JAM2: variants seen among roughly 807,000 people sequenced by gnomAD.
JAM2 encodes junctional adhesion molecule B.
JAM2 carries 17 observed loss-of-function variants against 42.0 expected under a neutral mutation model. That is an observed-to-expected ratio of 0.40 (90% confidence interval 0.28 to 0.61). JAM2 has a LOEUF of 0.61. Among genes scored for constraint, JAM2 ranks in the 20% least tolerant of loss-of-function variants. The pLI is 0.37. For missense variants in JAM2, 319 were observed against 358.3 expected (o/e 0.89, Z 0.89); for synonymous variants, 118 against 128.6 (o/e 0.92, Z 0.56).
chr21:25,716,831 T>C lies in JAM2; in HGVS notation c.*2159T>C, dbSNP rs962996483. On this transcript the variant is annotated 3_prime_UTR_variant, in exon 10 of 10. Transcript: ENST00000480456. ...AGGCTAAATGTTACCTATGTTTTGG[T>C]TGGAAGATTTCTTTGGTTTGAGGAA... 2.6e-5 allele frequency: 4 copies of C among 152,248 alleles called. No homozygotes were observed. The highest frequency in any genetic ancestry group is 9.6e-5 in the African/African-American group (4 of 41,462). The allele number at this position is 152,248 out of a possible 1,614,324, so 9.4% of individuals were successfully genotyped here.
chr21:25,681,291 G>A (rs929411717), intron 1 of JAM2, among the ~76,000 whole-genome samples: 3 of 152,160 alleles, frequency 2.0e-5, no homozygotes, highest in African/African-American at 7.2e-5. Flanking sequence ...ACCCGAGACT[G>A]GGTACTTCAT....
chr21:25,665,257 A>G (rs566976358), intron 1 of JAM2, among the ~76,000 whole-genome samples: 1 of 152,312 alleles, frequency 6.6e-6, no homozygotes, highest in East Asian at 1.9e-4. Context: ...GCCTCTGAAG[A>G]TGGTATTAAG....
At chr21:25,681,103 T>C (rs1039235992) in intron 1 of JAM2, among the ~76,000 whole-genome samples, 10 of 152,206 alleles carry the variant, frequency 6.6e-5, no homozygotes, top group East Asian at 5.8e-4. Flanking sequence ...TCAAGTAAAC[T>C]ATAGAAATAT....
intron 7 of JAM2, 50 bp downstream of exon 7, chr21:25,706,136 G>A (rs1048206312): frequency 2.4e-5 from 27 of 1,113,660 alleles, no homozygotes; most frequent in Non-Finnish European, 3.6e-5. Flanking sequence ...TGGCTATGGA[G>A]TTTATTTATG....
At chr21:25,676,314 A>G (rs541720542) in intron 1 of JAM2, among the ~76,000 whole-genome samples, 1 of 151,482 alleles carries the variant, frequency 6.6e-6, no homozygotes, top group Admixed American at 6.6e-5. Context: ...GAAAAAGAAA[A>G]AAAAAAAACA....
intron 1 of JAM2, among the ~76,000 whole-genome samples, chr21:25,647,262 T>C (rs1460166780): frequency 6.6e-6 from 1 of 152,208 alleles, no homozygotes; most frequent in African/African-American, 2.4e-5. Flanking sequence ...GAAATAAGTC[T>C]CCTTTCCAGC....
At position 25,702,219 on chromosome 21, in the gene JAM2, C is replaced by A; in HGVS notation, c.647C>A (p.Ala216Asp). 1 of 1,598,118 alleles carries A rather than the reference C, an allele frequency of 6.3e-7. No homozygotes were observed. Among genetic ancestry groups the A allele is most frequent in the Non-Finnish European group, 8.6e-7 (1 of 1,167,926 alleles). ...GACACTGGAGAATATTCCTGTGAAG[C>A]CCGCAATTCTGTTGGATATCGCAGG... Reference protein sequence around the residue: ...KLDTGEYSCEARNSVGYRRCP... With the variant: ...KLDTGEYSCEDRNSVGYRRCP... The change falls in exon 6 of 10, where the codon GCC becomes GAC. Residue 216 changes from alanine (A) to aspartate (D), a missense_variant. Coordinates refer to ENST00000480456, the MANE Select transcript of JAM2 (RefSeq NM_021219.4).
Position 25,689,963 on chromosome 21 carries a change from G to T in JAM2, c.231G>T (p.Gln77His). ...GRSVSFVYYQ[Q>H]TLQGDFKNRA... The stretch of plus-strand genomic sequence containing the variant: ...GTGTCTCCTTTGTCTACTATCAACA[G>T]ACTCTTCAAGGTAAGCAGCTGTAGG... The change falls in exon 3 of 10, where the codon CAG becomes CAT. Residue 77 changes from glutamine to histidine, a missense_variant. Coordinates refer to ENST00000480456, the MANE Select transcript of JAM2 (RefSeq NM_021219.4). 1.9e-6 allele frequency: 3 copies of T among 1,602,350 alleles called. No individual in the cohort carries two copies. The highest frequency in any genetic ancestry group is 2.6e-6 in the Non-Finnish European group (3 of 1,169,580).
chr21:25,653,309 C>T lies in JAM2; in HGVS notation c.67+13421C>T, dbSNP rs568819856. Reference sequence around the variant, plus strand: ...TATAATCCCTAAATACCATTCCACACTAACAATGACTAGGAAACTTTGGAG... The same window carrying T: ...TATAATCCCTAAATACCATTCCACATTAACAATGACTAGGAAACTTTGGAG... On this transcript the variant is annotated intron_variant, in intron 1 of 9. Coordinates refer to ENST00000480456, the MANE Select transcript of JAM2 (RefSeq NM_021219.4). Among the ~76,000 whole-genome samples the T allele has an allele frequency of 1.3e-4, 20 of 152,288 alleles. No homozygotes were observed. The South Asian group carries it at 4.2e-3, about 32-fold the overall frequency.
rs567425093 is a variant in JAM2, at chr21:25,648,436, T to C, written c.67+8548T>C. Among the ~76,000 whole-genome samples, 59 of 144,762 alleles carry C rather than the reference T, an allele frequency of 4.1e-4. 1 individual carries two copies. The highest frequency in any genetic ancestry group is 1.4e-3 in the African/African-American group (52 of 37,322). The allele number at this position is 144,762 out of a possible 152,430, so 95.0% of individuals were successfully genotyped here. A position where few individuals can be genotyped will look rare whatever the true frequency, so the allele number is the denominator to read the frequency against. The stretch of plus-strand genomic sequence containing the variant: ...TTGGATCCAGAACAAGTCAGGTTCT[T>C]TTGTGCCGTGTGTTTGTGTGTGTGT... On this transcript the variant is annotated intron_variant, in intron 1 of 9. Transcript: ENST00000480456.
intron 4 of JAM2, 93 bp from the exon 5 acceptor site, chr21:25,698,584 T>C (rs1398579784): frequency 1.9e-6 from 2 of 1,073,906 alleles, no homozygotes; most frequent in African/African-American, 1.6e-5. Flanking sequence ...ATTAAAACCA[T>C]TGATTGTAGA....
intron 2 of JAM2, among the ~76,000 whole-genome samples, chr21:25,685,555 C>T (rs1470205411): frequency 7.0e-6 from 1 of 143,080 alleles, no homozygotes; most frequent in East Asian, 2.1e-4. Context: ...AAAAGTTCAT[C>T]ATTTTAAAAA....
intron 4 of JAM2, among the ~76,000 whole-genome samples, chr21:25,698,462 G>T (rs2123398345): frequency 6.6e-6 from 1 of 152,320 alleles, no homozygotes; most frequent in South Asian, 2.1e-4. Flanking sequence ...CTGGCAACAA[G>T]AGTGCTGGGA....
rs552268954 is a variant in JAM2 at position 25,709,390 on chromosome 21, C to T, written c.806-44C>T. 8.7e-6 allele frequency: 9 copies of T among 1,040,018 alleles called. No individual in the cohort carries two copies. In the African/African-American group the frequency reaches 1.3e-4, roughly 14 times the overall value. 64.4% of individuals were successfully genotyped at this position (1,040,018 alleles called of 1,614,324 possible). A position where few individuals can be genotyped will look rare whatever the true frequency, so the allele number is the denominator to read the frequency against. The stretch of plus-strand genomic sequence containing the variant: ...ATTTTTATATGAATCTGTATCATAC[C>T]ATAATAACCCTTGCATTAATGATAT... On this transcript the variant is annotated intron_variant, in intron 7 of 9. Transcript: ENST00000480456.
At chr21:25,705,449 G>C (rs555355769) in intron 6 of JAM2, among the ~76,000 whole-genome samples, 47 of 151,672 alleles carry the variant, frequency 3.1e-4, no homozygotes, top group Non-Finnish European at 4.7e-4. Context: ...TGTTGCCTAG[G>C]CTGGTCTCAA....
At chr21:25,700,628 G>A (rs2034146557) in intron 5 of JAM2, among the ~76,000 whole-genome samples, 1 of 152,132 alleles carries the variant, frequency 6.6e-6, no homozygotes, top group African/African-American at 2.4e-5. Flanking sequence ...CAAAAGTGCT[G>A]GGATTACAGC....
intron 1 of JAM2, among the ~76,000 whole-genome samples, chr21:25,678,000 G>A (rs1362336914): frequency 6.6e-6 from 1 of 152,076 alleles, no homozygotes; most frequent in Admixed American, 6.5e-5. Flanking sequence ...TTGGCAGGCC[G>A]AGGCAGGTGG....
At chr21:25,656,534 G>A (rs564972869) in intron 1 of JAM2, among the ~76,000 whole-genome samples, 1 of 152,290 alleles carries the variant, frequency 6.6e-6, no homozygotes, top group African/African-American at 2.4e-5. Flanking sequence ...GAAAAGAATG[G>A]AAGAAGTAGA....
At chr21:25,650,095 C>T (rs919903918) in intron 1 of JAM2, among the ~76,000 whole-genome samples, 3 of 152,180 alleles carry the variant, frequency 2.0e-5, no homozygotes, top group Admixed American at 2.0e-4. Flanking sequence ...GTGAGGGTGG[C>T]AGAGTCTTCA....
Sources: allele counts gnomAD v4.1 joint callset (sites outside exome capture counted in the v4.1 genomes callset), GRCh38; gene constraint gnomAD v4.1.1; transcripts MANE v1.5; gene names NCBI Gene and HGNC (gene_info 2026-07-23, HGNC 2026-07-21).